SDK1: variants seen among roughly 807,000 people sequenced by gnomAD.
SDK1 encodes the protein protein sidekick-1.
In SDK1, 157 loss-of-function variants were observed where a neutral mutation model predicts 245.5. That is an observed-to-expected ratio of 0.64 (90% CI 0.56 to 0.73). SDK1 has a LOEUF of 0.73. Among genes scored for constraint, SDK1 ranks in the 30% least tolerant of loss-of-function variants. The pLI is 0.00. For synonymous variants in SDK1, 1,647 were observed against 1,278.5 expected (o/e 1.29, Z -6.15); for missense variants, 3,583 against 3,002.3 (o/e 1.19, Z -4.52).
intron 14 of SDK1, among the ~76,000 whole-genome samples, chr7:3,998,318 G>T (rs530909769): frequency 1.3e-5 from 2 of 152,272 alleles, no homozygotes; most frequent in Non-Finnish European, 2.9e-5. Context: ...GCGGCAGGCT[G>T]TCTAGAGCAG....
At chr7:3,691,355 A>C (rs1784433271) in intron 4 of SDK1, among the ~76,000 whole-genome samples, 1 of 152,206 alleles carries the variant, frequency 6.6e-6, no homozygotes, top group South Asian at 2.1e-4. Flanking sequence ...TCACAGGCTT[A>C]ATTTTGGATC....
chr7:4,072,732 A>G (rs1780334803), intron 20 of SDK1, among the ~76,000 whole-genome samples: 1 of 152,230 alleles, frequency 6.6e-6, no homozygotes, highest in Admixed American at 6.5e-5. Flanking sequence ...AGGCAGCTGC[A>G]GGAGCCCAGG....
At chr7:4,233,088 C>T in intron 40 of SDK1, 167 bp from the exon 41 acceptor site, 1 of 605,294 alleles carries the variant, frequency 1.7e-6, no homozygotes, top group East Asian at 2.8e-5. Context: ...CGCTCTTCGA[C>T]TTGCGAAACT....
At chr7:3,858,151 A>G (rs1047265571) in intron 5 of SDK1, among the ~76,000 whole-genome samples, 13 of 152,246 alleles carry the variant, frequency 8.5e-5, no homozygotes, top group Admixed American at 8.5e-4. Context: ...ATAATGAGGT[A>G]AATTTGTACA....
intron 14 of SDK1, among the ~76,000 whole-genome samples, chr7:3,999,459 G>A (rs945737483): frequency 3.3e-4 from 50 of 152,348 alleles, no homozygotes; most frequent in Middle Eastern, 3.4e-3. Context: ...GATCAAGACC[G>A]TCAGGGAAGG....
chr7:3,514,887 C>CTCTCTCTT (rs774949163), intron 1 of SDK1, among the ~76,000 whole-genome samples: 3 of 152,204 alleles, frequency 2.0e-5, no homozygotes, highest in Non-Finnish European at 4.4e-5. Context: ...CGTGCGCTCT[C>CTCTCTCTT]TCTCTCTTTC....
intron 12 of SDK1, among the ~76,000 whole-genome samples, chr7:3,973,191 G>A (rs1782627409): frequency 6.6e-6 from 1 of 152,214 alleles, no homozygotes; most frequent in South Asian, 2.1e-4. Flanking sequence ...TGACCAGCCA[G>A]CCAGATGCGA....
rs547579068 is a variant in SDK1 at position 3,959,128 on chromosome 7, A to C, written c.1234+114A>C. 7.4e-4 allele frequency: 611 copies of C among 829,784 alleles called. 1 individual carries two copies. The highest frequency in any genetic ancestry group is 1.1e-3 in the Non-Finnish European group (523 of 483,800). 51.4% of individuals were successfully genotyped at this position (829,784 alleles called of 1,614,324 possible). Reference sequence around the variant, plus strand: ...GGAGACATTGAGTGTGATGGCGAAGAGCAGACTTCAGAGAGTAGATCGGTC... The same window carrying C: ...GGAGACATTGAGTGTGATGGCGAAGCGCAGACTTCAGAGAGTAGATCGGTC... On this transcript the variant is annotated intron_variant, in intron 8 of 44. Coordinates refer to ENST00000404826, the MANE Select transcript of SDK1 (RefSeq NM_152744.4).
intron 4 of SDK1, among the ~76,000 whole-genome samples, chr7:3,668,030 T>C (rs1783589947): frequency 6.6e-6 from 1 of 152,148 alleles, no homozygotes; most frequent in African/African-American, 2.4e-5. Context: ...AACCTCAAAG[T>C]CCTCAGGGAA....
intron 1 of SDK1, among the ~76,000 whole-genome samples, chr7:3,473,140 G>A (rs777583629): frequency 4.6e-5 from 7 of 152,178 alleles, no homozygotes; most frequent in Non-Finnish European, 7.4e-5. Context: ...AGGAAGGTCA[G>A]CATTGACTCT....
chr7:3,421,179 C>G (rs1424922335), intron 1 of SDK1, among the ~76,000 whole-genome samples: 1 of 146,046 alleles, frequency 6.8e-6, no homozygotes, highest in African/African-American at 2.6e-5. Flanking sequence ...TCAAGTGATT[C>G]TCCTGCCTGA....
intron 1 of SDK1, among the ~76,000 whole-genome samples, chr7:3,311,809 A>G (rs1562405944): frequency 6.6e-6 from 1 of 152,310 alleles, no homozygotes; most frequent in East Asian, 1.9e-4. Flanking sequence ...ATACCAGGGA[A>G]TCCCTAGGTG....
At chr7:3,947,560 G>A (rs1780630304) in intron 5 of SDK1, among the ~76,000 whole-genome samples, 1 of 150,972 alleles carries the variant, frequency 6.6e-6, no homozygotes, top group Non-Finnish European at 1.5e-5. Context: ...GTGTGTGTGT[G>A]TGTGTGTGTA....
intron 10 of SDK1, 41 bp downstream of exon 10, chr7:3,967,475 G>C (rs765440696): frequency 1.6e-6 from 2 of 1,231,524 alleles, no homozygotes; most frequent in Admixed American, 3.4e-5. Context: ...GGCCCATGTA[G>C]AACATAACCT....
chr7:3,371,460 A>C (rs1010643285), intron 1 of SDK1, among the ~76,000 whole-genome samples: 1 of 152,200 alleles, frequency 6.6e-6, no homozygotes, highest in Non-Finnish European at 1.5e-5. Context: ...TATCTTAAAA[A>C]AAGAAACATG....
intron 4 of SDK1, among the ~76,000 whole-genome samples, chr7:3,770,410 T>G (rs1780376050): frequency 6.6e-6 from 1 of 152,224 alleles, no homozygotes; most frequent in African/African-American, 2.4e-5. Flanking sequence ...TCTGTGAACA[T>G]TCATGCACAG....
intron 4 of SDK1, among the ~76,000 whole-genome samples, chr7:3,778,310 C>A (rs571528179): frequency 6.6e-6 from 1 of 152,086 alleles, no homozygotes; most frequent in African/African-American, 2.4e-5. Context: ...CATGAAAAAG[C>A]AAGGTGATAC....
chr7:3,819,578 A>G (rs757682951), intron 4 of SDK1, among the ~76,000 whole-genome samples: 1 of 152,126 alleles, frequency 6.6e-6, no homozygotes, highest in Non-Finnish European at 1.5e-5. Context: ...AGTGTAACAT[A>G]TACTAAAATA....
At chr7:4,036,857 T>C (rs995075214) in intron 17 of SDK1, among the ~76,000 whole-genome samples, 2 of 152,140 alleles carry the variant, frequency 1.3e-5, no homozygotes, top group Non-Finnish European at 2.9e-5. Context: ...GAAATAAATG[T>C]TTGTTGTTTA....
Sources: allele counts gnomAD v4.1 joint callset (sites outside exome capture counted in the v4.1 genomes callset), GRCh38; gene constraint gnomAD v4.1.1; transcripts MANE v1.5; gene names NCBI Gene and HGNC (gene_info 2026-07-23, HGNC 2026-07-21).